The following NECTIN2 variants were observed in gnomAD, a reference collection of about 807,000 sequenced individuals.
NECTIN2 encodes nectin cell adhesion molecule 2.
A neutral mutation model predicts 56.9 loss-of-function variants in NECTIN2; 23 were observed. The ratio of observed to expected loss-of-function variants is 0.40; its 90% CI spans 0.29 to 0.57. The LOEUF (loss-of-function observed/expected upper bound fraction) is 0.57, where lower values mean the gene tolerates loss of function less well. Among genes scored for constraint, NECTIN2 ranks in the 20% least tolerant of loss-of-function variants. NECTIN2 has a pLI of 0.38. For missense variants in NECTIN2, 587 were observed against 718.3 expected, an observed-to-expected ratio of 0.82 and a Z score of 2.09; for synonymous variants, 302 against 313.8, an observed-to-expected ratio of 0.96 and a Z score of 0.40.
rs900764480 is a variant in NECTIN2, at chr19:44,875,360, G to A, written c.1042+882G>A. Among the ~76,000 whole-genome samples the A allele has an allele frequency of 1.3e-4, 19 of 151,958 alleles. No individual in the cohort carries two copies. The highest frequency in any genetic ancestry group is 4.4e-4 in the African/African-American group (18 of 41,342). On this transcript the variant is annotated intron_variant, in intron 5 of 8. Coordinates refer to ENST00000252483, the MANE Select transcript of NECTIN2 (RefSeq NM_001042724.2). This position sits in a 1 kb window ranked among gnomAD's most constrained non-coding sequence, Gnocchi z 4.2. The stretch of plus-strand genomic sequence containing the variant: ...AGCTCACCGCAACCTCCGCCTCCCG[G>A]GTTCAAGCAATTATCCTGCCTCAGC...
Position 44,875,205 on chromosome 19 carries a change from G to A in NECTIN2, c.1042+727G>A, listed in dbSNP as rs1969222676. Among the ~76,000 whole-genome samples the A allele has an allele frequency of 6.6e-6, 1 of 152,070 alleles. No individual in the cohort carries two copies. On this transcript the variant is annotated intron_variant, in intron 5 of 8. Coordinates refer to ENST00000252483, the MANE Select transcript of NECTIN2 (RefSeq NM_001042724.2). The surrounding 1 kb of genome is among the most constrained non-coding windows in gnomAD (Gnocchi z 4.2). ...CATTGTCACCAAGACACACACCCAG[G>A]AGGACAGTGGCACCAGCCAAGATAG... is the stretch of plus-strand genomic sequence containing the variant.
chr19:44,874,662 T>G lies in NECTIN2; in HGVS notation c.1042+184T>G, dbSNP rs1969216852. 1.4e-6 allele frequency: 1 copy of G among 708,332 alleles called. No homozygotes were observed. The highest frequency in any genetic ancestry group is 2.3e-6 in the Non-Finnish European group (1 of 433,596). 43.9% of individuals were successfully genotyped at this position (708,332 alleles called of 1,614,324 possible). On this transcript the variant is annotated intron_variant, in intron 5 of 8. Transcript: ENST00000252483. This position sits in a 1 kb window ranked among gnomAD's most constrained non-coding sequence, Gnocchi z 6.3. ...GTGGCCTCAGACTGGGGTCTGGATTTGGGGTGTCGGGGTAGGTGAAGGCAG... is the reference window on the plus strand; with the variant it reads ...GTGGCCTCAGACTGGGGTCTGGATTGGGGGTGTCGGGGTAGGTGAAGGCAG...
rs1021176124 is a variant in NECTIN2 at position 44,874,715 on chromosome 19, C to T, written c.1042+237C>T. ...GAGTTGGGGGGTTGAGGACTTTGCT[C>T]GGGGTTCCTAGAAAGTAGAGGCCTG... On this transcript the variant is annotated intron_variant, in intron 5 of 8. Coordinates refer to ENST00000252483, the MANE Select transcript of NECTIN2 (RefSeq NM_001042724.2). This position sits in a 1 kb window ranked among gnomAD's most constrained non-coding sequence, Gnocchi z 6.3. 87 of 525,598 alleles carry T rather than the reference C, an allele frequency of 1.7e-4. No individual in the cohort carries two copies. The highest frequency in any genetic ancestry group is 2.6e-4 in the Non-Finnish European group (76 of 291,758). 32.6% of individuals were successfully genotyped at this position (525,598 alleles called of 1,614,324 possible).
Position 44,885,985 on chromosome 19 carries a change from G to A in NECTIN2, c.1245G>A (p.Leu415=). The change falls in exon 7 of 9, where the codon CTG becomes CTA. Residue 415 remains leucine (L), a synonymous_variant. Coordinates refer to ENST00000252483, the MANE Select transcript of NECTIN2 (RefSeq NM_001042724.2). ...SYKPPTPKAK[L]EAQEMPSQLF... ...AGCCACCGACCCCAAAAGCGAAGCT[G>A]GAGGCACAGGAGATGGTGAGCACTT... 1 of 1,602,688 alleles carries A rather than the reference G, an allele frequency of 6.2e-7. No individual in the cohort carries two copies. Among genetic ancestry groups the A allele is most frequent in the Non-Finnish European group, 8.5e-7 (1 of 1,169,678 alleles).
At position 44,874,632 on chromosome 19, in the gene NECTIN2, C is replaced by G. The variant is rs535874434; in HGVS notation, c.1042+154C>G. On this transcript the variant is annotated intron_variant, in intron 5 of 8. Coordinates refer to ENST00000252483, the MANE Select transcript of NECTIN2 (RefSeq NM_001042724.2). The surrounding 1 kb of genome is among the most constrained non-coding windows in gnomAD (Gnocchi z 6.3). ...TGAGGGGAGATGAGGGTTGGCCTTC[C>G]CCTCGTGGCCTCAGACTGGGGTCTG... 1 of 919,796 alleles carries G rather than the reference C, an allele frequency of 1.1e-6. No homozygotes were observed. Among genetic ancestry groups the G allele is most frequent in the African/African-American group, 1.7e-5 (1 of 60,514 alleles). 57.0% of individuals were successfully genotyped at this position (919,796 alleles called of 1,614,324 possible). A position where few individuals can be genotyped will look rare whatever the true frequency, so the allele number is the denominator to read the frequency against.
At position 44,846,718 on chromosome 19, in the gene NECTIN2, G is replaced by GCCC. The variant is rs976863517; in HGVS notation, c.88+108_88+110dup. On this transcript the variant is annotated intron_variant, in intron 1 of 8. Transcript: ENST00000252483. Reference sequence around the variant, plus strand: ...TCCCCGCCCACCCCCGGCTCCCCGAGCCCCCTCTCGCGTGCCCCCTTCCTG... The same window carrying GCCC: ...TCCCCGCCCACCCCCGGCTCCCCGAGCCCCCCCCTCTCGCGTGCCCCCTTCCTG... 2.6e-5 allele frequency: 33 copies of GCCC among 1,270,402 alleles called. No homozygotes were observed. The African/African-American group carries it at 6.2e-4, about 24-fold the overall frequency. The allele number at this position is 1,270,402 out of a possible 1,614,324, so 78.7% of individuals were successfully genotyped here.
intron 1 of NECTIN2, among the ~76,000 whole-genome samples, chr19:44,851,019 C>G (rs1338153919): frequency 1.3e-5 from 2 of 151,940 alleles, no homozygotes; most frequent in East Asian, 3.9e-4. Context: ...AGGTGTCCAG[C>G]TTCAGGCCCC....
At position 44,865,188 on chromosome 19, in the gene NECTIN2, G is replaced by T. The variant is rs776544097; in HGVS notation, c.89-83G>T. ...CATGCGGAGCCTGCATTTCCCGTGG[G>T]GCCCCCTTCGTGGTGGCCCTGCCTG... On this transcript the variant is annotated intron_variant, in intron 1 of 8. Transcript: ENST00000252483. This position sits in a 1 kb window ranked among gnomAD's most constrained non-coding sequence, Gnocchi z 5.2. The T allele has an allele frequency of 5.8e-5, 83 of 1,427,788 alleles. No homozygotes were observed. Among genetic ancestry groups the T allele is most frequent in the Non-Finnish European group, 7.4e-5 (78 of 1,057,958 alleles). The allele number at this position is 1,427,788 out of a possible 1,614,324, so 88.4% of individuals were successfully genotyped here.
At position 44,874,696 on chromosome 19, in the gene NECTIN2, G is replaced by A. The variant is rs2122691849; in HGVS notation, c.1042+218G>A. On this transcript the variant is annotated intron_variant, in intron 5 of 8. Coordinates refer to ENST00000252483, the MANE Select transcript of NECTIN2 (RefSeq NM_001042724.2). The surrounding 1 kb of genome is among the most constrained non-coding windows in gnomAD (Gnocchi z 6.3). Reference sequence around the variant, plus strand: ...GGGGTAGGTGAAGGCAGCAGAGTTGGGGGGTTGAGGACTTTGCTCGGGGTT... The same window carrying A: ...GGGGTAGGTGAAGGCAGCAGAGTTGAGGGGTTGAGGACTTTGCTCGGGGTT... The A allele has an allele frequency of 3.5e-6, 2 of 578,416 alleles. No homozygotes were observed. The highest frequency in any genetic ancestry group is 4.8e-4 in the Middle Eastern group (1 of 2,104). The allele number at this position is 578,416 out of a possible 1,614,324, so 35.8% of individuals were successfully genotyped here. A position where few individuals can be genotyped will look rare whatever the true frequency, so the allele number is the denominator to read the frequency against.
chr19:44,884,476 G>A (rs1048778094), intron 6 of NECTIN2, among the ~76,000 whole-genome samples: 1 of 152,150 alleles, frequency 6.6e-6, no homozygotes, highest in Non-Finnish European at 1.5e-5. Flanking sequence ...TTTACCACAA[G>A]CTCTCTAAGT....
chr19:44,874,709 T>C lies in NECTIN2; in HGVS notation c.1042+231T>C. 1.8e-6 allele frequency: 1 copy of C among 541,754 alleles called. No homozygotes were observed. 33.6% of individuals were successfully genotyped at this position (541,754 alleles called of 1,614,324 possible). A position where few individuals can be genotyped will look rare whatever the true frequency, so the allele number is the denominator to read the frequency against. On this transcript the variant is annotated intron_variant, in intron 5 of 8. Coordinates refer to ENST00000252483, the MANE Select transcript of NECTIN2 (RefSeq NM_001042724.2). This position sits in a 1 kb window ranked among gnomAD's most constrained non-coding sequence, Gnocchi z 6.3. ...GCAGCAGAGTTGGGGGGTTGAGGAC[T>C]TTGCTCGGGGTTCCTAGAAAGTAGA...
rs530882665 is a variant in NECTIN2, at chr19:44,852,952, A to T, written c.88+6339A>T. ...TGAGACCCCTTCTCTACAAAAAAAAATTTTTTTTAATTAGTCAAGTATGGT... is the reference window on the plus strand; with the variant it reads ...TGAGACCCCTTCTCTACAAAAAAAATTTTTTTTTAATTAGTCAAGTATGGT... On this transcript the variant is annotated intron_variant, in intron 1 of 8. Coordinates refer to ENST00000252483, the MANE Select transcript of NECTIN2 (RefSeq NM_001042724.2). Among the ~76,000 whole-genome samples, 57 of 152,010 alleles carry T rather than the reference A, an allele frequency of 3.7e-4. 1 individual carries two copies. Among genetic ancestry groups the T allele is most frequent in the African/African-American group, 1.0e-3 (42 of 41,456 alleles).
chr19:44,847,904 C>A (rs907718626), intron 1 of NECTIN2, among the ~76,000 whole-genome samples: 14 of 152,072 alleles, frequency 9.2e-5, no homozygotes, highest in Non-Finnish European at 2.9e-5. Flanking sequence ...CCATCCACCC[C>A]ACTAGGGGAG....
In NECTIN2 at chr19:44,846,555, G is replaced by A; in HGVS notation, c.30G>A (p.Ser10=). The A allele has an allele frequency of 1.3e-6, 2 of 1,523,070 alleles. No homozygotes were observed. Among genetic ancestry groups the A allele is most frequent in the Middle Eastern group, 2.0e-4 (1 of 4,960 alleles). The allele number at this position is 1,523,070 out of a possible 1,614,324, so 94.3% of individuals were successfully genotyped here. ...CCCGGGCCGCTGCCCTCCTGCCGTC[G>A]AGATCGCCGCCGACGCCGCTGCTGT... The part of the protein sequence containing the change: MARAAALLP[S]RSPPTPLLWP... Residue 10 remains serine, a synonymous_variant, in exon 1 of 9, where the codon TCG becomes TCA. Coordinates refer to ENST00000252483, the MANE Select transcript of NECTIN2 (RefSeq NM_001042724.2).
chr19:44,887,641 G>A (rs547712664), intron 8 of NECTIN2, among the ~76,000 whole-genome samples: 27 of 152,070 alleles, frequency 1.8e-4, no homozygotes, highest in Non-Finnish European at 2.9e-4. Flanking sequence ...GCAAAACTCC[G>A]TCTCAACAAC....
At position 44,875,918 on chromosome 19, in the gene NECTIN2, A is replaced by G. The variant is rs1406071553; in HGVS notation, c.1042+1440A>G. Among the ~76,000 whole-genome samples, 1 of 152,172 alleles carries G rather than the reference A, an allele frequency of 6.6e-6. No individual in the cohort carries two copies. The highest frequency in any genetic ancestry group is 1.5e-5 in the Non-Finnish European group (1 of 68,034). ...CCGCTCTGGGCTCGCCTGGCGCGTGAGGATGCACATAAGTCCCCGGAGGAA... is the reference window on the plus strand; with the variant it reads ...CCGCTCTGGGCTCGCCTGGCGCGTGGGGATGCACATAAGTCCCCGGAGGAA... On this transcript the variant is annotated intron_variant, in intron 5 of 8. Transcript: ENST00000252483. This position sits in a 1 kb window ranked among gnomAD's most constrained non-coding sequence, Gnocchi z 4.2.
At chr19:44,877,756 C>T (rs980254961) in intron 5 of NECTIN2, among the ~76,000 whole-genome samples, 5 of 152,176 alleles carry the variant, frequency 3.3e-5, no homozygotes, top group African/African-American at 1.2e-4. Context: ...TCAGATGGCA[C>T]CAGGGTCCTG....
intron 1 of NECTIN2, among the ~76,000 whole-genome samples, chr19:44,862,138 G>A (rs1284536443): frequency 2.6e-5 from 4 of 152,194 alleles, no homozygotes; most frequent in Non-Finnish European, 4.4e-5. Flanking sequence ...TGTACAGGCC[G>A]GGCACTGTGG....
At chr19:44,859,453 T>C (rs578003433) in intron 1 of NECTIN2, among the ~76,000 whole-genome samples, 2 of 152,304 alleles carry the variant, frequency 1.3e-5, no homozygotes, top group South Asian at 2.1e-4. Flanking sequence ...CCATGAACTA[T>C]GGGCCACTCA....
Sources: gnomAD v4.1 joint callset for allele counts (sites outside exome capture counted in the v4.1 genomes callset) on GRCh38, gnomAD v4.1.1 for gene constraint, Gnocchi (gnomAD v3.1) non-coding constraint, MANE v1.5 for transcripts, NCBI Gene and HGNC (gene_info 2026-07-23, HGNC 2026-07-21) for gene names.